CA8: variants seen among roughly 807,000 people sequenced by gnomAD.
The protein encoded by CA8 is carbonic anhydrase-related protein.
In CA8, 22 loss-of-function variants were observed where a neutral mutation model predicts 41.4. The observed-to-expected ratio is 0.53, with a 90% CI of 0.38 to 0.76. CA8 has a LOEUF of 0.76. Among genes scored for constraint, CA8 ranks in the 30% least tolerant of loss-of-function variants. CA8 has a pLI of 0.00. For missense variants in CA8, 270 were observed against 352.8 expected, an observed-to-expected ratio of 0.77 and a Z score of 1.88; for synonymous variants, 121 against 130.6, an observed-to-expected ratio of 0.93 and a Z score of 0.50.
At chr8:60,240,325 C>T (rs1211607076) in intron 3 of CA8, among the ~76,000 whole-genome samples, 1 of 152,178 alleles carries the variant, frequency 6.6e-6, no homozygotes, top group Admixed American at 6.5e-5. Flanking sequence ...ACAGGGAGAA[C>T]ACAGAGACAT....
At chr8:60,250,035 T>C (rs1808393233) in intron 3 of CA8, among the ~76,000 whole-genome samples, 1 of 152,210 alleles carries the variant, frequency 6.6e-6, no homozygotes, top group Non-Finnish European at 1.5e-5. Flanking sequence ...ACTGCATGAT[T>C]AGACTTGCTC....
intron 3 of CA8, among the ~76,000 whole-genome samples, chr8:60,240,624 C>A (rs1029880709): frequency 2.6e-5 from 4 of 152,164 alleles, no homozygotes; most frequent in African/African-American, 9.7e-5. Flanking sequence ...TAAGAACTTT[C>A]CTCTGAGCCA....
At chr8:60,222,413 G>A (rs1807282277) in intron 7 of CA8, among the ~76,000 whole-genome samples, 1 of 152,208 alleles carries the variant, frequency 6.6e-6, no homozygotes, top group African/African-American at 2.4e-5. Context: ...TGCTCTTTCA[G>A]TGATTTCTAT....
At chr8:60,258,984 G>C (rs539568519) in intron 3 of CA8, among the ~76,000 whole-genome samples, 1 of 152,078 alleles carries the variant, frequency 6.6e-6, no homozygotes, top group Non-Finnish European at 1.5e-5. Context: ...AAGTGAGTAG[G>C]AGAAAAATCA....
intron 3 of CA8, among the ~76,000 whole-genome samples, chr8:60,241,386 T>C (rs1808023226): frequency 6.6e-6 from 1 of 152,220 alleles, no homozygotes; most frequent in African/African-American, 2.4e-5. Context: ...ACTTCCCCCA[T>C]GAAGACATTA....
intron 2 of CA8, among the ~76,000 whole-genome samples, chr8:60,272,308 C>T (rs989227011): frequency 2.0e-5 from 3 of 152,012 alleles, no homozygotes; most frequent in Non-Finnish European, 4.4e-5. Context: ...AACTGGCTCA[C>T]ACTCTCTCCC....
At chr8:60,235,044 G>C (rs1172807777) in intron 3 of CA8, among the ~76,000 whole-genome samples, 3 of 152,152 alleles carry the variant, frequency 2.0e-5, no homozygotes, top group Admixed American at 2.0e-4. Flanking sequence ...CACCTGCGCT[G>C]CCTCTCAAGT....
At chr8:60,248,147 T>C (rs1320044703) in intron 3 of CA8, among the ~76,000 whole-genome samples, 1 of 152,190 alleles carries the variant, frequency 6.6e-6, no homozygotes, top group African/African-American at 2.4e-5. Context: ...AGATTCTGGA[T>C]ATTAGACCTT....
At chr8:60,279,666 C>A in intron 2 of CA8, 23 bp downstream of exon 2, 1 of 1,604,540 alleles carries the variant, frequency 6.2e-7, no homozygotes, top group South Asian at 1.1e-5. Flanking sequence ...TAAAAGACCA[C>A]ACAAACATAT....
rs1362527247 is a variant in CA8 at position 60,224,587 on chromosome 8, T to G, written c.577-2A>C. On this transcript the variant is annotated splice_acceptor_variant, in intron 5 of 8. Transcript: ENST00000317995. LOFTEE classifies it high-confidence loss of function. ...GCAAGGTATTGTTTTGGACTTCCCC[T>G]GAAAAAGAAAAAAATATTTACCCAA... is the stretch of plus-strand genomic sequence containing the variant. The G allele has an allele frequency of 6.5e-7, 1 of 1,539,586 alleles. No individual in the cohort carries two copies. The highest frequency in any genetic ancestry group is 2.3e-5 in the East Asian group (1 of 44,388).
intron 8 of CA8, among the ~76,000 whole-genome samples, chr8:60,198,462 G>A (rs1806339127): frequency 6.6e-6 from 1 of 152,142 alleles, no homozygotes; most frequent in African/African-American, 2.4e-5. Context: ...AGCTTTTAAA[G>A]TTCAGAAGTA....
At chr8:60,226,353 G>A (rs1277876319) in intron 5 of CA8, among the ~76,000 whole-genome samples, 1 of 152,048 alleles carries the variant, frequency 6.6e-6, no homozygotes, top group African/African-American at 2.4e-5. Flanking sequence ...CTGTATTTAT[G>A]GTGAACTCCT....
intron 8 of CA8, among the ~76,000 whole-genome samples, chr8:60,203,742 T>C (rs1393886567): frequency 2.6e-5 from 4 of 152,206 alleles, no homozygotes; most frequent in Non-Finnish European, 5.9e-5. Flanking sequence ...CTTGTTTTTT[T>C]AGCATTTTTA....
intron 3 of CA8, among the ~76,000 whole-genome samples, chr8:60,246,842 A>G (rs1269873206): frequency 6.6e-6 from 1 of 151,724 alleles, no homozygotes; most frequent in African/African-American, 2.4e-5. Flanking sequence ...AAGTGTAATA[A>G]AAACATTGTT....
intron 3 of CA8, among the ~76,000 whole-genome samples, chr8:60,254,701 C>T (rs1808566605): frequency 6.6e-6 from 1 of 152,170 alleles, no homozygotes; most frequent in Non-Finnish European, 1.5e-5. Context: ...ATAAACCACC[C>T]TTAGTTATAT....
chr8:60,234,454 C>G (rs1034851656), intron 3 of CA8, among the ~76,000 whole-genome samples: 23 of 152,224 alleles, frequency 1.5e-4, no homozygotes, highest in African/African-American at 5.5e-4. Flanking sequence ...TGTAACCATG[C>G]TAATGTAAAA....
At position 60,189,534 on chromosome 8, in the gene CA8, G is replaced by T. The variant is rs982569940; in HGVS notation, c.*487C>A. On this transcript the variant is annotated 3_prime_UTR_variant, in exon 9 of 9. Transcript: ENST00000317995. ...TTACTAATCATTCACTTTGCATTTT[G>T]AAGCTCTATGCTGTTCTTAATCAAA... 6.6e-6 allele frequency: 1 copy of T among 152,046 alleles called. No homozygotes were observed. The highest frequency in any genetic ancestry group is 1.5e-5 in the Non-Finnish European group (1 of 67,986). 9.4% of individuals were successfully genotyped at this position (152,046 alleles called of 1,614,324 possible). A position where few individuals can be genotyped will look rare whatever the true frequency, so the allele number is the denominator to read the frequency against.
At chr8:60,248,088 T>C (rs1808312597) in intron 3 of CA8, among the ~76,000 whole-genome samples, 1 of 149,808 alleles carries the variant, frequency 6.7e-6, no homozygotes, top group African/African-American at 2.5e-5. Flanking sequence ...CTTTGCCCAG[T>C]TTTTGATGTT....
chr8:60,278,124 A>G (rs1408849513), intron 2 of CA8, among the ~76,000 whole-genome samples: 1 of 90,216 alleles, frequency 1.1e-5, no homozygotes, highest in East Asian at 2.6e-4. Flanking sequence ...ATTAAAGAAA[A>G]TTGTGTTTGA....
Sources: gnomAD v4.1 joint callset for allele counts (sites outside exome capture counted in the v4.1 genomes callset) on GRCh38, gnomAD v4.1.1 for gene constraint, MANE v1.5 for transcripts, NCBI Gene and HGNC (gene_info 2026-07-23, HGNC 2026-07-21) for gene names.